The following KDM2A variants were observed in gnomAD, a reference collection of about 807,000 sequenced individuals.
KDM2A encodes lysine demethylase 2A.
A neutral mutation model predicts 137.3 loss-of-function variants in KDM2A; 3 were observed. The ratio of observed to expected loss-of-function variants is 0.02; its 90% confidence interval spans 0.01 to 0.06. The LOEUF is 0.06. KDM2A is among the 10% of genes least tolerant of loss of function. KDM2A has a pLI of 1.00. For missense variants in KDM2A, 738 were observed against 1,510.6 expected (o/e 0.49, Z 8.48); for synonymous variants, 512 against 541.5 (o/e 0.95, Z 0.76).
chr11:67,222,059 C>CTTTTTTTTTTTTTTTTTTTTTTATTTTT (rs11373238), intron 10 of KDM2A, among the ~76,000 whole-genome samples: 1 of 110,528 alleles, frequency 9.0e-6, no homozygotes, highest in Non-Finnish European at 1.8e-5. Context: ...CTCTGTCATT[C>CTTTTTTTTTTTTTTTTTTTTTTATTTTT]TTTTTTTTTT....
At chr11:67,153,287 G>A (rs1051979621) in intron 2 of KDM2A, among the ~76,000 whole-genome samples, 23 of 152,006 alleles carry the variant, frequency 1.5e-4, no homozygotes, top group African/African-American at 5.3e-4. Context: ...CCCGGCTGGT[G>A]TGTCTTAATA....
chr11:67,135,170 G>A (rs1855945731), intron 2 of KDM2A, among the ~76,000 whole-genome samples: 1 of 151,910 alleles, frequency 6.6e-6, no homozygotes, highest in Admixed American at 6.6e-5. Context: ...CTGGGTTCAA[G>A]CGATTCTCCT....
chr11:67,124,147 G>A (rs1476915008), intron 2 of KDM2A, among the ~76,000 whole-genome samples: 1 of 150,472 alleles, frequency 6.6e-6, no homozygotes, highest in Non-Finnish European at 1.5e-5. Context: ...GGGACTACAG[G>A]TGCCCACCAC....
chr11:67,181,786 A>C (rs1238662015), intron 4 of KDM2A, 60 bp from the exon 5 acceptor site: 7 of 1,461,314 alleles, frequency 4.8e-6, no homozygotes, highest in East Asian at 4.5e-5. Context: ...AAGAAAAAAA[A>C]CTCACATTTA....
intron 2 of KDM2A, among the ~76,000 whole-genome samples, chr11:67,172,807 T>C (rs1331446123): frequency 6.6e-6 from 1 of 152,192 alleles, no homozygotes; most frequent in Non-Finnish European, 1.5e-5. Flanking sequence ...CAGTTTTGAA[T>C]AGAAGTGGGG....
At chr11:67,171,385 G>C (rs1393011826) in intron 2 of KDM2A, among the ~76,000 whole-genome samples, 2 of 152,150 alleles carry the variant, frequency 1.3e-5, no homozygotes, top group East Asian at 3.8e-4. Flanking sequence ...ATGTAAATAG[G>C]AATGAAATTG....
intron 5 of KDM2A, among the ~76,000 whole-genome samples, chr11:67,198,824 G>A (rs577029088): frequency 2.6e-5 from 4 of 151,834 alleles, no homozygotes; most frequent in African/African-American, 7.3e-5. Flanking sequence ...TGTTGCCCAG[G>A]CTGGAATGCA....
At chr11:67,215,980 T>C in intron 8 of KDM2A, 31 bp downstream of exon 8, 1 of 1,563,048 alleles carries the variant, frequency 6.4e-7, no homozygotes, top group Admixed American at 1.7e-5. Flanking sequence ...GGGGTTGGAA[T>C]CTGAAGTTGG....
chr11:67,243,199 C>CATTA (rs1418954172), intron 13 of KDM2A, 107 bp downstream of exon 13: 5 of 748,616 alleles, frequency 6.7e-6, no homozygotes, highest in Non-Finnish European at 9.3e-6. Context: ...GCTTTTGGTG[C>CATTA]ATTAATACAA....
chr11:67,169,898 C>T (rs1259472278), intron 2 of KDM2A, among the ~76,000 whole-genome samples: 1 of 151,390 alleles, frequency 6.6e-6, no homozygotes, highest in Non-Finnish European at 1.5e-5. Context: ...GCTGGGATTA[C>T]AGGCACGTGC....
intron 11 of KDM2A, among the ~76,000 whole-genome samples, chr11:67,229,701 T>C (rs1417576201): frequency 6.6e-6 from 1 of 150,556 alleles, no homozygotes; most frequent in Non-Finnish European, 1.5e-5. Context: ...AAACCCTGTC[T>C]CTACTAAAAA....
intron 2 of KDM2A, among the ~76,000 whole-genome samples, chr11:67,121,645 C>G (rs951081225): frequency 6.6e-6 from 1 of 152,116 alleles, no homozygotes; most frequent in South Asian, 2.1e-4. Flanking sequence ...GACAAAGATT[C>G]CTGATTTTAC....
intron 2 of KDM2A, among the ~76,000 whole-genome samples, chr11:67,125,397 T>C (rs1855696993): frequency 6.6e-6 from 1 of 151,734 alleles, no homozygotes; most frequent in South Asian, 2.1e-4. Flanking sequence ...CCAAGGCTAG[T>C]CTTGAACTCC....
At position 67,252,754 on chromosome 11, in the gene KDM2A, C is replaced by T. The variant is rs757872888; in HGVS notation, c.2829C>T (p.Pro943=). The change falls in exon 18 of 21, where the codon CCC becomes CCT. Residue 943 remains proline, a synonymous_variant. Coordinates refer to ENST00000529006, the MANE Select transcript of KDM2A (RefSeq NM_012308.3). The part of the protein sequence containing the change: ...IDLSRCKAIV[P]QALSGIIKRQ... ...TGAGTAGGTGTAAGGCCATTGTGCC[C>T]CAGGCCCTCAGTGGCATCATCAAGA... 1.4e-5 allele frequency: 22 copies of T among 1,613,830 alleles called. No homozygotes were observed. The highest frequency in any genetic ancestry group is 1.7e-5 in the Admixed American group (1 of 60,002).
chr11:67,250,556 C>T lies in KDM2A; in HGVS notation c.2526C>T (p.Ala842=), dbSNP rs780975839. ...GTGTGCTAGTGCAGCACTGCCCAGC[C>T]CGAACCCCCCAGCGTGGGGATGAGG... ...SPRVLVQHCP[A]RTPQRGDEEG... is the part of the protein sequence containing the mutation. The change falls in exon 17 of 21, where the codon GCC becomes GCT. Residue 842 remains alanine (A), a synonymous_variant. Transcript: ENST00000529006. The surrounding 1 kb of genome is among the most constrained non-coding windows in gnomAD (Gnocchi z 7.1). 2.5e-6 allele frequency: 4 copies of T among 1,613,758 alleles called. No individual in the cohort carries two copies. The highest frequency in any genetic ancestry group is 3.4e-6 in the Non-Finnish European group (4 of 1,179,806).
intron 2 of KDM2A, among the ~76,000 whole-genome samples, chr11:67,161,992 G>A (rs1440930797): frequency 6.6e-6 from 1 of 152,060 alleles, no homozygotes; most frequent in East Asian, 1.9e-4. Context: ...CTTAGTAGTT[G>A]TCTTTGGTTA....
intron 5 of KDM2A, among the ~76,000 whole-genome samples, chr11:67,205,055 T>TG (rs1226505566): frequency 6.6e-6 from 1 of 152,194 alleles, no homozygotes. Context: ...TCATTCTGTG[T>TG]TTAGTTTATT....
chr11:67,221,405 TAAC>T (rs1312567357), intron 10 of KDM2A, among the ~76,000 whole-genome samples: 1 of 152,210 alleles, frequency 6.6e-6, no homozygotes, highest in African/African-American at 2.4e-5. Flanking sequence ...AATTTTAAAA[TAAC>T]AATTAATGAA....
In KDM2A at chr11:67,253,536, C is replaced by G. The variant is rs1450431686; in HGVS notation, c.3016C>G (p.Leu1006Val). The G allele has an allele frequency of 6.2e-7, 1 of 1,613,896 alleles. No individual in the cohort carries two copies. The highest frequency in any genetic ancestry group is 1.3e-5 in the African/African-American group (1 of 74,936). Reference protein sequence around the residue: ...STSSCPLLRTLDLRWAVGIKD... With the variant: ...STSSCPLLRTVDLRWAVGIKD... ...CTCCAGCTGCCCCCTTCTCAGGACC[C>G]TTGATCTTCGGTGGGCAGTAGGAAT... Residue 1006 changes from leucine to valine, a missense_variant, in exon 19 of 21, where the codon CTT becomes GTT. Transcript: ENST00000529006.
Sources: gnomAD v4.1 joint callset for allele counts (sites outside exome capture counted in the v4.1 genomes callset) on GRCh38, gnomAD v4.1.1 for gene constraint, Gnocchi (gnomAD v3.1) non-coding constraint, MANE v1.5 for transcripts, NCBI Gene and HGNC (gene_info 2026-07-23, HGNC 2026-07-21) for gene names.